ANKRD44: variants seen among roughly 807,000 people sequenced by gnomAD.
The protein encoded by ANKRD44 is serine/threonine-protein phosphatase 6 regulatory ankyrin repeat subunit B.
A neutral mutation model predicts 116.0 loss-of-function variants in ANKRD44; 35 were observed. The ratio of observed to expected loss-of-function variants is 0.30; its 90% CI spans 0.23 to 0.40. The LOEUF (loss-of-function observed/expected upper bound fraction) is 0.40. Among genes scored for constraint, ANKRD44 ranks in the 10% least tolerant of loss-of-function variants. ANKRD44 has a pLI of 1.00. For missense variants in ANKRD44, 1,014 were observed against 1,242.6 expected (o/e 0.82, Z 2.77); for synonymous variants, 435 against 461.8 (o/e 0.94, Z 0.74).
intron 2 of ANKRD44, among the ~76,000 whole-genome samples, chr2:197,158,285 C>T (rs1441574063): frequency 1.3e-5 from 2 of 152,138 alleles, no homozygotes; most frequent in Middle Eastern, 3.2e-3. Context: ...TTAAACTTAA[C>T]GCATTTGTTG....
At chr2:197,012,465 G>A (rs923694035) in intron 18 of ANKRD44, among the ~76,000 whole-genome samples, 1 of 150,422 alleles carries the variant, frequency 6.6e-6, no homozygotes, top group African/African-American at 2.4e-5. Flanking sequence ...AATGGCTGGG[G>A]AGAAAAAAGA....
intron 21 of ANKRD44, among the ~76,000 whole-genome samples, chr2:196,977,767 T>C (rs1248585463): frequency 1.3e-5 from 2 of 152,310 alleles, no homozygotes; most frequent in East Asian, 3.9e-4. Context: ...TGGCAGCCTC[T>C]GCGGAACAGT....
At chr2:197,180,436 C>T (rs1283630350) in intron 2 of ANKRD44, among the ~76,000 whole-genome samples, 1 of 152,162 alleles carries the variant, frequency 6.6e-6, no homozygotes, top group Non-Finnish European at 1.5e-5. Context: ...CCATTCATCA[C>T]TCGTGATCAC....
chr2:197,117,363 C>G (rs2078736840), intron 8 of ANKRD44, among the ~76,000 whole-genome samples: 1 of 152,188 alleles, frequency 6.6e-6, no homozygotes. Context: ...CCTCAGCCTC[C>G]TGTGTCGCTG....
At chr2:197,299,376 G>A (rs2083826372) in intron 1 of ANKRD44, 1 of 152,138 alleles carries the variant, frequency 6.6e-6, no homozygotes, top group African/African-American at 2.4e-5. Context: ...AAAGGTACTT[G>A]CACATGCATG....
At chr2:197,285,548 T>A (rs2083383905) in intron 1 of ANKRD44, among the ~76,000 whole-genome samples, 1 of 152,202 alleles carries the variant, frequency 6.6e-6, no homozygotes, top group African/African-American at 2.4e-5. Flanking sequence ...AAATGCTAAG[T>A]AGATTTCTGC....
intron 16 of ANKRD44, among the ~76,000 whole-genome samples, chr2:197,061,837 A>C (rs2077321612): frequency 6.7e-6 from 1 of 148,314 alleles, no homozygotes; most frequent in Non-Finnish European, 1.5e-5. Context: ...CTGGAGTGCA[A>C]TGGTACAATC....
At chr2:197,150,092 G>A (rs533243004) in intron 2 of ANKRD44, among the ~76,000 whole-genome samples, 2 of 152,148 alleles carry the variant, frequency 1.3e-5, no homozygotes, top group East Asian at 3.9e-4. Flanking sequence ...ATTCCTATCA[G>A]AGGAGTCACA....
At chr2:197,106,755 A>G (rs1166805366) in intron 9 of ANKRD44, among the ~76,000 whole-genome samples, 1 of 150,420 alleles carries the variant, frequency 6.6e-6, no homozygotes, top group East Asian at 1.9e-4. Flanking sequence ...GTGCCACTGC[A>G]CTCCAGCCTG....
intron 16 of ANKRD44, among the ~76,000 whole-genome samples, chr2:197,039,680 C>T (rs62279178): frequency 7.1e-5 from 10 of 141,446 alleles, no homozygotes; most frequent in Non-Finnish European, 1.4e-4. Flanking sequence ...TGTGTGTGTG[C>T]GTGTGTGTGT....
chr2:196,971,121 A>T (rs1459217669), intron 21 of ANKRD44, among the ~76,000 whole-genome samples: 2 of 152,132 alleles, frequency 1.3e-5, no homozygotes. Context: ...TTCACTTAAC[A>T]TTATGTCATG....
downstream of ANKRD44, among the ~76,000 whole-genome samples, chr2:196,982,108 T>TATATATATATATATATATATATA (rs2075805174): frequency 2.1e-5 from 2 of 96,544 alleles, no homozygotes; most frequent in African/African-American, 3.7e-5. Flanking sequence ...CTAAAAAAAA[T>TATATATATATATATATATATATA]TATATATATA....
chr2:197,286,515 C>T (rs2083412091), intron 1 of ANKRD44, among the ~76,000 whole-genome samples: 1 of 151,956 alleles, frequency 6.6e-6, no homozygotes, highest in South Asian at 2.1e-4. Context: ...GCTAGGACTA[C>T]AAGGACGCCA....
intron 6 of ANKRD44, among the ~76,000 whole-genome samples, chr2:197,125,145 G>T (rs1353514533): frequency 1.3e-5 from 2 of 152,220 alleles, no homozygotes; most frequent in Non-Finnish European, 2.9e-5. Flanking sequence ...CATTCAAAGA[G>T]GCCCAAGCCA....
intron 1 of ANKRD44, among the ~76,000 whole-genome samples, chr2:197,279,652 C>A (rs1559214316): frequency 6.6e-6 from 1 of 152,184 alleles, no homozygotes; most frequent in African/African-American, 2.4e-5. Flanking sequence ...CTCCCAAATG[C>A]ACCCTTCCTC....
At chr2:197,293,417 C>T (rs2083625315) in intron 1 of ANKRD44, among the ~76,000 whole-genome samples, 1 of 152,156 alleles carries the variant, frequency 6.6e-6, no homozygotes, top group Non-Finnish European at 1.5e-5. Context: ...TGGACTGAAA[C>T]CAGAAGTGAG....
intron 1 of ANKRD44, among the ~76,000 whole-genome samples, chr2:197,219,070 C>CTTT (rs1185156257): frequency 2.7e-5 from 3 of 113,068 alleles, no homozygotes; most frequent in Admixed American, 9.3e-5. Context: ...GCTAAAGTTC[C>CTTT]TTTTTTTTTT....
At chr2:197,136,713 T>A (rs764050523) in intron 3 of ANKRD44, 51 bp from the exon 4 acceptor site, 1 of 1,533,862 alleles carries the variant, frequency 6.5e-7, no homozygotes, top group South Asian at 1.1e-5. Context: ...AGGGAAGCCC[T>A]GCCGACGTTA....
chr2:197,142,340 T>C (rs1474465469), intron 3 of ANKRD44, among the ~76,000 whole-genome samples: 1 of 152,188 alleles, frequency 6.6e-6, no homozygotes, highest in Non-Finnish European at 1.5e-5. Context: ...AAGAGAATAA[T>C]TTCTTCCCAA....
Sources: allele counts gnomAD v4.1 joint callset (sites outside exome capture counted in the v4.1 genomes callset), GRCh38; gene constraint gnomAD v4.1.1; transcripts MANE v1.5; gene names NCBI Gene and HGNC (gene_info 2026-07-23, HGNC 2026-07-21).